Variants in STARD13 observed in about 807,000 individuals in gnomAD.
The protein encoded by STARD13 is StAR related lipid transfer domain containing 13.
Under a neutral mutation model 106.4 loss-of-function variants are expected in STARD13, and 62 were observed. The ratio of observed to expected loss-of-function variants is 0.58; its 90% CI spans 0.48 to 0.72. The LOEUF (loss-of-function observed/expected upper bound fraction) is 0.72, where lower values mean the gene tolerates loss of function less well. Ranked by LOEUF, STARD13 falls within the 30% of genes least tolerant of loss-of-function variation. The probability of loss-of-function intolerance (pLI) is 0.00; values close to 1 mark genes in which losing one functional copy is unlikely to be tolerated. For synonymous variants in STARD13, 565 were observed against 553.0 expected (o/e 1.02, Z -0.31); for missense variants, 1,387 against 1,424.0 (o/e 0.97, Z 0.42).
At chr13:33,294,657 G>A (rs1594229840) in intron 1 of STARD13, among the ~76,000 whole-genome samples, 1 of 152,102 alleles carries the variant, frequency 6.6e-6, no homozygotes, top group Admixed American at 6.6e-5. Flanking sequence ...GAAAATAAAA[G>A]CAATTGCTTA....
At chr13:33,308,816 G>A (rs1382053128) in intron 1 of STARD13, among the ~76,000 whole-genome samples, 2 of 152,058 alleles carry the variant, frequency 1.3e-5, no homozygotes, top group East Asian at 1.9e-4. Context: ...GAGCCACCAC[G>A]CCCAGCCTGT....
the STARD13 span, among the ~76,000 whole-genome samples, chr13:33,648,564 A>G: frequency 2.6e-5 from 4 of 152,152 alleles, no homozygotes; most frequent in Non-Finnish European, 4.4e-5. Flanking sequence ...CTAAGTCAAC[A>G]TTAACTCCTT....
chr13:33,355,132 A>G (rs1046716245), upstream of STARD13: 3 of 152,226 alleles, frequency 2.0e-5, no homozygotes, highest in Non-Finnish European at 4.4e-5. Flanking sequence ...TAACTTTGAC[A>G]AATGAAAAGA....
chr13:33,498,704 A>G, the STARD13 span, among the ~76,000 whole-genome samples: 2 of 152,232 alleles, frequency 1.3e-5, no homozygotes, highest in Admixed American at 6.5e-5. Flanking sequence ...TAATGAATCA[A>G]AAGTAAAGAG....
At chr13:33,643,870 C>T in the STARD13 span, among the ~76,000 whole-genome samples, 1 of 152,234 alleles carries the variant, frequency 6.6e-6, no homozygotes, top group Admixed American at 6.5e-5. Flanking sequence ...TAGACATCTG[C>T]TGAGAGAGGC....
At chr13:33,209,061 A>G (rs545385165) in intron 1 of STARD13, among the ~76,000 whole-genome samples, 4 of 152,324 alleles carry the variant, frequency 2.6e-5, no homozygotes, top group Admixed American at 2.0e-4. Context: ...TGCCTAGAAG[A>G]GAAGTTTTAG....
At chr13:33,572,838 G>C in the STARD13 span, among the ~76,000 whole-genome samples, 1 of 152,146 alleles carries the variant, frequency 6.6e-6, no homozygotes, top group Non-Finnish European at 1.5e-5. Flanking sequence ...ACCTGGAGAT[G>C]TTTTAAAGTA....
the STARD13 span, among the ~76,000 whole-genome samples, chr13:33,450,911 C>G: frequency 1.7e-3 from 258 of 152,244 alleles, 1 homozygote; most frequent in African/African-American, 5.9e-3. Flanking sequence ...GAGACAGGGT[C>G]TTGCTCTGTC....
At chr13:33,628,033 C>T in the STARD13 span, among the ~76,000 whole-genome samples, 4,948 of 148,906 alleles carry the variant, frequency 0.033, 200 homozygotes, top group East Asian at 0.16. Context: ...GGCACGATCT[C>T]GACTCACTGC....
the STARD13 span, among the ~76,000 whole-genome samples, chr13:33,541,860 C>T: frequency 6.6e-6 from 1 of 152,192 alleles, no homozygotes; most frequent in Admixed American, 6.5e-5. Flanking sequence ...TTGGTTGTTT[C>T]CTTGCAGCAT....
the STARD13 span, among the ~76,000 whole-genome samples, chr13:33,358,736 C>G: frequency 6.6e-6 from 1 of 152,134 alleles, no homozygotes; most frequent in East Asian, 1.9e-4. Context: ...CACTCTGTAT[C>G]TAGCTGCTCT....
chr13:33,463,131 C>T, the STARD13 span, among the ~76,000 whole-genome samples: 1 of 152,148 alleles, frequency 6.6e-6, no homozygotes. Context: ...TGGTGCTTAG[C>T]TTGGGAAGGT....
chr13:33,464,837 C>CA, the STARD13 span, among the ~76,000 whole-genome samples: 4,385 of 148,538 alleles, frequency 0.03, 91 homozygotes, highest in Middle Eastern at 0.052. Flanking sequence ...CTCTTGTCTC[C>CA]AAAAAAAAAA....
the STARD13 span, among the ~76,000 whole-genome samples, chr13:33,499,519 TTTCTTCTTCTTCTTC>T: frequency 7.6e-4 from 70 of 91,924 alleles, no homozygotes; most frequent in Non-Finnish European, 9.9e-4. Context: ...TTCTTCTTTC[TTTCTTCTTCTTCTTC>T]TTCTTCTTCT....
rs901927528 is a variant in STARD13 at position 33,104,375 on chromosome 13, T to G, written c.*1218A>C. On this transcript the variant is annotated 3_prime_UTR_variant, in exon 14 of 14. Coordinates refer to ENST00000336934, the MANE Select transcript of STARD13 (RefSeq NM_178006.4). ...ACAGAAGAATTAATAAACCCGATTA[T>G]ACTATCTAAAACTAATCAAAGAACA... is the stretch of plus-strand genomic sequence containing the variant. The G allele has an allele frequency of 2.0e-5, 3 of 152,674 alleles. No homozygotes were observed. Among genetic ancestry groups the G allele is most frequent in the African/African-American group, 7.2e-5 (3 of 41,462 alleles). The allele number at this position is 152,674 out of a possible 1,614,324, so 9.5% of individuals were successfully genotyped here.
At chr13:33,602,569 A>C in the STARD13 span, among the ~76,000 whole-genome samples, 2 of 152,232 alleles carry the variant, frequency 1.3e-5, no homozygotes, top group Admixed American at 1.3e-4. Flanking sequence ...TAAGGACAGC[A>C]GTTGAGACAT....
the STARD13 span, among the ~76,000 whole-genome samples, chr13:33,602,255 C>G: frequency 6.6e-6 from 1 of 152,170 alleles, no homozygotes; most frequent in Non-Finnish European, 1.5e-5. Context: ...CCACGCCCAG[C>G]TAATTTTTTG....
chr13:33,281,832 T>G (rs939359719), intron 1 of STARD13, among the ~76,000 whole-genome samples: 1 of 152,092 alleles, frequency 6.6e-6, no homozygotes, highest in African/African-American at 2.4e-5. Flanking sequence ...GGAGGAGGAA[T>G]GAGGAATTCT....
At chr13:33,477,464 A>C in the STARD13 span, among the ~76,000 whole-genome samples, 31,244 of 152,164 alleles carry the variant, frequency 0.21, 5,727 homozygotes, top group African/African-American at 0.49. Context: ...ACTCTGGCAA[A>C]TCTTGCCAAG....
Sources: gnomAD v4.1 joint callset for allele counts (sites outside exome capture counted in the v4.1 genomes callset) on GRCh38, gnomAD v4.1.1 for gene constraint, MANE v1.5 for transcripts, NCBI Gene and HGNC (gene_info 2026-07-23, HGNC 2026-07-21) for gene names.